Variants in CEP128 observed in about 807,000 individuals in gnomAD.
CEP128 encodes the protein centrosomal protein 128kDa.
A neutral mutation model predicts 156.7 loss-of-function variants in CEP128; 132 were observed. The ratio of observed to expected loss-of-function variants is 0.84; its 90% CI spans 0.73 to 0.97. The LOEUF (loss-of-function observed/expected upper bound fraction) is 0.97. Among genes scored for constraint, CEP128 ranks in the 50% least tolerant of loss-of-function variants. The pLI, the probability that CEP128 is intolerant of heterozygous loss-of-function variation, is 0.00. For missense variants in CEP128, 1,252 were observed against 1,281.9 expected (o/e 0.98, Z 0.36); for synonymous variants, 469 against 448.9 (o/e 1.04, Z -0.57).
chr14:80,518,913 A>C (rs1888612860), intron 23 of CEP128, among the ~76,000 whole-genome samples: 1 of 152,228 alleles, frequency 6.6e-6, no homozygotes, highest in Non-Finnish European at 1.5e-5. Flanking sequence ...AACATAACAG[A>C]GTATGAAAAA....
chr14:80,933,287 A>C (rs1395145340), intron 2 of CEP128, among the ~76,000 whole-genome samples: 1 of 152,156 alleles, frequency 6.6e-6, no homozygotes, highest in Admixed American at 6.5e-5. Flanking sequence ...CCAGTAACTC[A>C]GTAAGTCTCT....
At chr14:80,533,599 A>C (rs1055808426) in intron 21 of CEP128, among the ~76,000 whole-genome samples, 1 of 152,100 alleles carries the variant, frequency 6.6e-6, no homozygotes, top group African/African-American at 2.4e-5. Flanking sequence ...TGTTTTTGTG[A>C]GTGAATTTTG....
chr14:80,782,462 C>T (rs1000134998), intron 15 of CEP128, among the ~76,000 whole-genome samples: 2 of 152,284 alleles, frequency 1.3e-5, no homozygotes, highest in South Asian at 2.1e-4. Flanking sequence ...GTACTTTACA[C>T]GCTCCTAGAC....
rs1396216570 is a variant in CEP128, at chr14:80,846,365, T to C, written c.763-5597A>G. ...AGTAGAATAAAGAGAGAAGTCAGAGTCCCTAAAAGAATAAGTAATGACTCT... is the reference window on the plus strand; with the variant it reads ...AGTAGAATAAAGAGAGAAGTCAGAGCCCCTAAAAGAATAAGTAATGACTCT... On this transcript the variant is annotated intron_variant, in intron 9 of 24. Transcript: ENST00000555265. Among the ~76,000 whole-genome samples, 14 of 151,934 alleles carry C rather than the reference T, an allele frequency of 9.2e-5. No individual in the cohort carries two copies. The East Asian group carries it at 1.9e-3, about 21-fold the overall frequency.
At chr14:80,732,554 A>G (rs1898331695) in intron 19 of CEP128, among the ~76,000 whole-genome samples, 1 of 150,354 alleles carries the variant, frequency 6.7e-6, no homozygotes, top group South Asian at 2.1e-4. Flanking sequence ...GTAGAGGTCA[A>G]TTGTGGATGT....
intron 16 of CEP128, among the ~76,000 whole-genome samples, chr14:80,774,211 T>C (rs1900664738): frequency 6.6e-6 from 1 of 152,196 alleles, no homozygotes; most frequent in Non-Finnish European, 1.5e-5. Context: ...AGTTTTAATA[T>C]TTCTTAGCTT....
At chr14:80,814,030 T>C (rs1275416198) in intron 13 of CEP128, among the ~76,000 whole-genome samples, 4 of 152,232 alleles carry the variant, frequency 2.6e-5, no homozygotes, top group African/African-American at 9.6e-5. Flanking sequence ...AATATGTTTC[T>C]ATTCTTCTTG....
chr14:80,684,897 C>T (rs754994884), intron 19 of CEP128, among the ~76,000 whole-genome samples: 2 of 152,048 alleles, frequency 1.3e-5, no homozygotes, highest in South Asian at 2.1e-4. Context: ...AATCCAGTAT[C>T]GCTTCATGAT....
At chr14:80,590,857 A>C (rs957205081) in intron 19 of CEP128, among the ~76,000 whole-genome samples, 5 of 152,212 alleles carry the variant, frequency 3.3e-5, no homozygotes, top group Non-Finnish European at 7.3e-5. Context: ...AATATTCAAC[A>C]TTCTTAAAGA....
At chr14:80,943,831 TAAAAA>T (rs1886260843), upstream of CEP128, among the ~76,000 whole-genome samples, 1 of 151,960 alleles carries the variant, frequency 6.6e-6, no homozygotes, top group African/African-American at 2.4e-5. Context: ...CCATCTCTAC[TAAAAA>T]TACAAAAATT....
chr14:80,653,956 C>T (rs1056412295), intron 19 of CEP128, among the ~76,000 whole-genome samples: 1 of 152,032 alleles, frequency 6.6e-6, no homozygotes, highest in Non-Finnish European at 1.5e-5. Context: ...AATATGTGTG[C>T]AGTGTGTGTG....
At chr14:80,682,544 C>T (rs1169962724) in intron 19 of CEP128, among the ~76,000 whole-genome samples, 1 of 152,176 alleles carries the variant, frequency 6.6e-6, no homozygotes. Flanking sequence ...ATTCAAGAAA[C>T]TGTCCCTGTT....
chr14:80,691,698 G>T (rs964381591), intron 19 of CEP128, among the ~76,000 whole-genome samples: 1 of 152,238 alleles, frequency 6.6e-6, no homozygotes, highest in South Asian at 2.1e-4. Context: ...CACACCTCTA[G>T]AGTTGAACCA....
At chr14:80,856,720 CTTTTTTTTTTT>C (rs766724436) in intron 9 of CEP128, among the ~76,000 whole-genome samples, 5 of 65,158 alleles carry the variant, frequency 7.7e-5, no homozygotes, top group Non-Finnish European at 1.4e-4. Flanking sequence ...TTTTTCTTTT[CTTTTTTTTTTT>C]TTTTTTTTTT....
chr14:80,909,785 A>C (rs2139468054), intron 4 of CEP128, among the ~76,000 whole-genome samples: 1 of 152,266 alleles, frequency 6.6e-6, no homozygotes, highest in East Asian at 1.9e-4. Flanking sequence ...CAATTTGATA[A>C]CTCCTAAAAC....
chr14:80,490,441 G>A (rs549066001), downstream of CEP128: 5 of 152,284 alleles, frequency 3.3e-5, no homozygotes, highest in South Asian at 1.0e-3. Context: ...TGAAGTTCCT[G>A]GGAGTGAGAG....
chr14:80,665,132 T>C lies in CEP128; in HGVS notation c.2806+77943A>G, dbSNP rs373798634. Among the ~76,000 whole-genome samples the C allele has an allele frequency of 2.6e-4, 40 of 152,306 alleles. No individual in the cohort carries two copies. In the South Asian group the frequency reaches 7.9e-3, roughly 30 times the overall value. ...AAGTGCTTGAAGAAATTTGTCCCCATTTTAACGTGTCATATAGAATACACC... is the reference window on the plus strand; with the variant it reads ...AAGTGCTTGAAGAAATTTGTCCCCACTTTAACGTGTCATATAGAATACACC... On this transcript the variant is annotated intron_variant, in intron 19 of 24. Coordinates refer to ENST00000555265, the MANE Select transcript of CEP128 (RefSeq NM_152446.5).
chr14:80,874,890 T>C (rs1443850150), intron 8 of CEP128, among the ~76,000 whole-genome samples: 1 of 152,236 alleles, frequency 6.6e-6, no homozygotes, highest in South Asian at 2.1e-4. Context: ...AGTGCTGGGA[T>C]TACAGGCGTG....
intron 19 of CEP128, among the ~76,000 whole-genome samples, chr14:80,720,477 T>C (rs118079623): frequency 0.011 from 1,612 of 152,278 alleles, 7 homozygotes; most frequent in Non-Finnish European, 0.014. Context: ...TACAAAGAAA[T>C]CTCTTCATTG....
Sources: gnomAD v4.1 joint callset for allele counts (sites outside exome capture counted in the v4.1 genomes callset) on GRCh38, gnomAD v4.1.1 for gene constraint, MANE v1.5 for transcripts, NCBI Gene and HGNC (gene_info 2026-07-23, HGNC 2026-07-21) for gene names.